Variants in KIF13B observed in about 807,000 individuals in gnomAD.
The protein encoded by KIF13B is kinesin family member 13B.
In KIF13B, 127 loss-of-function variants were observed where a neutral mutation model predicts 222.0. The observed-to-expected ratio is 0.57, with a 90% CI of 0.50 to 0.66. The LOEUF (loss-of-function observed/expected upper bound fraction) is 0.66, where lower values mean the gene tolerates loss of function less well. Among genes scored for constraint, KIF13B ranks in the 30% least tolerant of loss-of-function variants. KIF13B has a pLI of 0.00. For missense variants in KIF13B, 2,173 were observed against 2,379.0 expected, an observed-to-expected ratio of 0.91 and a Z score of 1.80; for synonymous variants, 976 against 919.0, an observed-to-expected ratio of 1.06 and a Z score of -1.12.
Position 29,181,934 on chromosome 8 carries a change from A to G in KIF13B, c.570T>C (p.Ala190=). The change falls in exon 7 of 40, where the codon GCT becomes GCC. Residue 190 remains alanine, a synonymous_variant. Coordinates refer to ENST00000524189, the MANE Select transcript of KIF13B (RefSeq NM_015254.4). ...GPYVDGLSKL[A]VTSYKDIESL... is the part of the protein sequence containing the mutation. Reference sequence around the variant, plus strand: ...ATGTTGTTACCTTGTAGCTTGTGACAGCCAGTTTAGAAAGTCCGTCGACAT... The same window carrying G: ...ATGTTGTTACCTTGTAGCTTGTGACGGCCAGTTTAGAAAGTCCGTCGACAT... The G allele has an allele frequency of 1.2e-6, 2 of 1,613,330 alleles. No homozygotes were observed. Among genetic ancestry groups the G allele is most frequent in the Non-Finnish European group, 1.7e-6 (2 of 1,179,368 alleles).
chr8:29,216,333 A>C (rs777407999), intron 2 of KIF13B, among the ~76,000 whole-genome samples: 19 of 152,330 alleles, frequency 1.2e-4, no homozygotes, highest in Non-Finnish European at 2.4e-4. Flanking sequence ...GCAGTGGCTG[A>C]TGCCTGTAAT....
chr8:29,201,687 C>G (rs893881839), intron 2 of KIF13B, among the ~76,000 whole-genome samples: 1 of 152,200 alleles, frequency 6.6e-6, no homozygotes, highest in African/African-American at 2.4e-5. Context: ...TTTGGAATCT[C>G]TGGTTCAACA....
intron 35 of KIF13B, among the ~76,000 whole-genome samples, chr8:29,106,635 A>ATC (rs1809085420): frequency 8.5e-6 from 1 of 117,038 alleles, no homozygotes; most frequent in South Asian, 2.4e-4. Flanking sequence ...TCTGTCTCAA[A>ATC]AAAAAAAAAA....
Position 29,262,885 on chromosome 8 carries a change from G to A in KIF13B, c.55+95C>T, listed in dbSNP as rs1816738805. 7.0e-6 allele frequency: 7 copies of A among 1,006,162 alleles called. No individual in the cohort carries two copies. In the South Asian group the frequency reaches 1.3e-4, roughly 18 times the overall value. The allele number at this position is 1,006,162 out of a possible 1,614,324, so 62.3% of individuals were successfully genotyped here. On this transcript the variant is annotated intron_variant, in intron 1 of 39. Transcript: ENST00000524189. ...CTCGCGCCCCGCCGCTGACTATAGGGGCGGGGCCGCCGGACCCCCCACGGC... is the reference window on the plus strand; with the variant it reads ...CTCGCGCCCCGCCGCTGACTATAGGAGCGGGGCCGCCGGACCCCCCACGGC...
intron 37 of KIF13B, among the ~76,000 whole-genome samples, chr8:29,081,128 C>T (rs1189023631): frequency 6.6e-6 from 1 of 152,198 alleles, no homozygotes; most frequent in East Asian, 1.9e-4. Context: ...CTGATTGATT[C>T]ATTCCACAAA....
intron 2 of KIF13B, among the ~76,000 whole-genome samples, chr8:29,207,047 C>T (rs1223945727): frequency 6.6e-6 from 1 of 152,158 alleles, no homozygotes; most frequent in East Asian, 1.9e-4. Flanking sequence ...CTAAACCACA[C>T]ACTGATCTGG....
Position 29,122,631 on chromosome 8 carries a change from C to T in KIF13B, c.3495G>A (p.Gly1165=), listed in dbSNP as rs761072362. ...ATATAACAGGAATGTGTGTCTCCATCCCAGGTACTGGGGTCCTAAAACGGG... is the reference window on the plus strand; with the variant it reads ...ATATAACAGGAATGTGTGTCTCCATTCCAGGTACTGGGGTCCTAAAACGGG... ...GAPAEWTPVP[G]METHIPVIFL... Residue 1165 remains glycine, a synonymous_variant, in exon 29 of 40, where the codon GGG becomes GGA. Transcript: ENST00000524189. The T allele has an allele frequency of 6.2e-7, 1 of 1,609,234 alleles. No homozygotes were observed. Among genetic ancestry groups the T allele is most frequent in the Admixed American group, 1.7e-5 (1 of 59,412 alleles).
At chr8:29,165,558 G>C (rs1314598881) in intron 12 of KIF13B, 104 bp downstream of exon 12, 7 of 681,242 alleles carry the variant, frequency 1.0e-5, no homozygotes, top group Non-Finnish European at 1.8e-5. Flanking sequence ...TGTGAGATTT[G>C]CCATCAGCCA....
At chr8:29,194,601 T>G (rs922533372) in intron 3 of KIF13B, among the ~76,000 whole-genome samples, 2 of 152,202 alleles carry the variant, frequency 1.3e-5, no homozygotes, top group African/African-American at 4.8e-5. Flanking sequence ...AATAAACACT[T>G]ACTTTTTATT....
intron 37 of KIF13B, 89 bp from the exon 38 acceptor site, chr8:29,075,432 C>A: frequency 8.1e-7 from 1 of 1,228,656 alleles, no homozygotes; most frequent in Non-Finnish European, 1.1e-6. Context: ...AGGGCCAGGA[C>A]CTGCCCGAGG....
intron 37 of KIF13B, among the ~76,000 whole-genome samples, chr8:29,084,489 G>A (rs866584811): frequency 3.9e-5 from 6 of 152,162 alleles, no homozygotes; most frequent in African/African-American, 9.7e-5. Flanking sequence ...CCTACCACAC[G>A]TGAGGCTATG....
At chr8:29,225,459 T>C (rs915710289) in intron 2 of KIF13B, among the ~76,000 whole-genome samples, 1 of 152,190 alleles carries the variant, frequency 6.6e-6, no homozygotes, top group Non-Finnish European at 1.5e-5. Flanking sequence ...TGACTGGAGA[T>C]AGGAGATCAG....
Position 29,122,065 on chromosome 8 carries a change from T to A in KIF13B, c.3535+526A>T, listed in dbSNP as rs1254505376. On this transcript the variant is annotated intron_variant, in intron 29 of 39. Transcript: ENST00000524189. ...GTCAGGAGATCGAGACCATCCTGGC[T>A]AACATGGTGAAACCCCGTCTCTACT... 2.0e-5 allele frequency among the ~76,000 whole-genome samples: 3 copies of A among 151,738 alleles called. No homozygotes were observed. The East Asian group carries it at 5.8e-4, about 30-fold the overall frequency.
At chr8:29,262,660 G>A (rs1368416892) in intron 1 of KIF13B, among the ~76,000 whole-genome samples, 4 of 151,566 alleles carry the variant, frequency 2.6e-5, no homozygotes, top group Non-Finnish European at 3.0e-5. Flanking sequence ...CGAGGGCCGA[G>A]GGCGCCCTCG....
intron 2 of KIF13B, among the ~76,000 whole-genome samples, chr8:29,232,399 C>CCTGA (rs962148913): frequency 6.7e-6 from 1 of 148,448 alleles, no homozygotes; most frequent in Non-Finnish European, 1.5e-5. Context: ...ACAGCAAGAC[C>CCTGA]CTGTCTCTAA....
chr8:29,174,923 A>C (rs1342870412), intron 10 of KIF13B, among the ~76,000 whole-genome samples: 1 of 152,206 alleles, frequency 6.6e-6, no homozygotes, highest in Non-Finnish European at 1.5e-5. Flanking sequence ...CATTTCACAA[A>C]GGCCTTTTTC....
At position 29,070,463 on chromosome 8, in the gene KIF13B, G is replaced by GGGCC. The variant is rs1474422127; in HGVS notation, c.*37_*40dup. 1.9e-6 allele frequency: 3 copies of GGGCC among 1,599,732 alleles called. No homozygotes were observed. Among genetic ancestry groups the GGGCC allele is most frequent in the African/African-American group, 2.7e-5 (2 of 74,640 alleles). On this transcript the variant is annotated 3_prime_UTR_variant, in exon 40 of 40. Coordinates refer to ENST00000524189, the MANE Select transcript of KIF13B (RefSeq NM_015254.4). The surrounding 1 kb of genome is among the most constrained non-coding windows in gnomAD (Gnocchi z 4.1). ...GGCTGTCACTGGCAGGGCTCAAAAGGGGCCGGGCACCCCCAGAAAAGTTCG... is the reference window on the plus strand; with the variant it reads ...GGCTGTCACTGGCAGGGCTCAAAAGGGGCCGGCCGGGCACCCCCAGAAAAGTTCG...
intron 24 of KIF13B, among the ~76,000 whole-genome samples, chr8:29,128,003 A>C (rs1213965187): frequency 6.6e-6 from 1 of 151,312 alleles, no homozygotes; most frequent in Non-Finnish European, 1.5e-5. Flanking sequence ...AGTACCAGTA[A>C]ATATAAATAT....
At chr8:29,165,584 A>T (rs1811956321) in intron 12 of KIF13B, 78 bp downstream of exon 12, 2 of 857,858 alleles carry the variant, frequency 2.3e-6, no homozygotes, top group Non-Finnish European at 3.8e-6. Context: ...AAGATCAAAA[A>T]GGAACCAGAA....
Sources: allele counts gnomAD v4.1 joint callset (sites outside exome capture counted in the v4.1 genomes callset), GRCh38; gene constraint gnomAD v4.1.1; non-coding constraint Gnocchi (gnomAD v3.1); transcripts MANE v1.5; gene names NCBI Gene and HGNC (gene_info 2026-07-23, HGNC 2026-07-21).